Variants in TRPM6 observed in about 807,000 individuals in gnomAD.
The protein encoded by TRPM6 is transient receptor potential cation channel subfamily M member 6.
In TRPM6, 111 loss-of-function variants were observed where a neutral mutation model predicts 247.6. The observed-to-expected ratio is 0.45, with a 90% confidence interval of 0.38 to 0.52. TRPM6 has a LOEUF of 0.52. TRPM6 is among the 20% of genes least tolerant of loss of function. The probability of loss-of-function intolerance (pLI) is 0.00; values close to 1 mark genes in which losing one functional copy is unlikely to be tolerated. For synonymous variants in TRPM6, 892 were observed against 853.8 expected, an observed-to-expected ratio of 1.04 and a Z score of -0.78; for missense variants, 2,126 against 2,421.5, an observed-to-expected ratio of 0.88 and a Z score of 2.56.
At chr9:74,734,991 T>C (rs796796197) in intron 36 of TRPM6, among the ~76,000 whole-genome samples, 41 of 152,226 alleles carry the variant, frequency 2.7e-4, no homozygotes, top group African/African-American at 9.9e-4. Context: ...GGTAGGCGGA[T>C]CTCTTGAGCC....
Position 74,792,719 on chromosome 9 carries a change from G to T in TRPM6, c.2443C>A (p.His815Asn). The change falls in exon 19 of 39, where the codon CAT becomes AAT. Residue 815 changes from histidine (H) to asparagine (N), a missense_variant. His to Asn is a moderately conservative substitution (Grantham distance 68, BLOSUM62 1). Coordinates refer to ENST00000360774, the MANE Select transcript of TRPM6 (RefSeq NM_017662.5). Reference sequence around the variant, plus strand: ...TGGTGCCCACTTTCCAAACCAAAATGCTGATTTTCATCCAGTTTCTCATCA... The same window carrying T: ...TGGTGCCCACTTTCCAAACCAAAATTCTGATTTTCATCCAGTTTCTCATCA... ...GHDEKLDENQ[H>N]FGLESGHQHL... 6.2e-7 allele frequency: 1 copy of T among 1,613,626 alleles called. No homozygotes were observed. Among genetic ancestry groups the T allele is most frequent in the South Asian group, 1.1e-5 (1 of 91,074 alleles).
intron 3 of TRPM6, among the ~76,000 whole-genome samples, chr9:74,854,267 T>G (rs955069608): frequency 6.6e-6 from 1 of 152,220 alleles, no homozygotes; most frequent in African/African-American, 2.4e-5. Flanking sequence ...TCCAATATGT[T>G]CACGTTAGTT....
intron 2 of TRPM6, among the ~76,000 whole-genome samples, chr9:74,856,467 C>G (rs9650769): frequency 0.013 from 1,946 of 147,700 alleles, 24 homozygotes; most frequent in African/African-American, 0.031. Context: ...GTGTGTGTGT[C>G]TGTGTGTGTG....
chr9:74,852,557 T>C (rs762917485), intron 3 of TRPM6, among the ~76,000 whole-genome samples: 18 of 152,036 alleles, frequency 1.2e-4, no homozygotes, highest in Non-Finnish European at 2.1e-4. Context: ...AGGCGGACTG[T>C]GCCGCCACCA....
intron 1 of TRPM6, among the ~76,000 whole-genome samples, chr9:74,864,379 A>C (rs138236420): frequency 2.0e-5 from 3 of 152,298 alleles, no homozygotes; most frequent in Non-Finnish European, 2.9e-5. Context: ...ATCCACTTTC[A>C]AGTGTCAGCT....
rs1304692023 is a variant in TRPM6, at chr9:74,779,914, C to T, written c.3209+2448G>A. Among the ~76,000 whole-genome samples, 3 of 152,240 alleles carry T rather than the reference C, an allele frequency of 2.0e-5. No individual in the cohort carries two copies. The South Asian group carries it at 6.2e-4, about 31-fold the overall frequency. ...GACGGCTGGGCGCAGTGGCTCACAC[C>T]TGTAATCCCAGCACTTTGGGAGGCC... On this transcript the variant is annotated intron_variant, in intron 23 of 38. Coordinates refer to ENST00000360774, the MANE Select transcript of TRPM6 (RefSeq NM_017662.5).
chr9:74,872,360 C>T (rs1282518823), intron 1 of TRPM6, among the ~76,000 whole-genome samples: 1 of 152,144 alleles, frequency 6.6e-6, no homozygotes, highest in Non-Finnish European at 1.5e-5. Context: ...TGGTCTCAAA[C>T]CCCTGGCCTC....
intron 1 of TRPM6, among the ~76,000 whole-genome samples, chr9:74,872,585 C>T (rs1019512876): frequency 4.9e-5 from 7 of 142,632 alleles, no homozygotes; most frequent in Non-Finnish European, 9.1e-5. Context: ...TGCACACCAC[C>T]GCGCCCAGCA....
intron 1 of TRPM6, among the ~76,000 whole-genome samples, chr9:74,870,788 G>T (rs1200901042): frequency 6.6e-6 from 1 of 152,070 alleles, no homozygotes; most frequent in Non-Finnish European, 1.5e-5. Flanking sequence ...GCTGGGTGTG[G>T]TGGTGTGTGC....
In TRPM6 at chr9:74,788,680, C is replaced by T; in HGVS notation, c.2601G>A (p.Gln867=). 3 of 1,614,086 alleles carry T rather than the reference C, an allele frequency of 1.9e-6. No individual in the cohort carries two copies. The highest frequency in any genetic ancestry group is 2.5e-6 in the Non-Finnish European group (3 of 1,179,970). Residue 867 remains glutamine (Q), a synonymous_variant, in exon 20 of 39, where the codon CAG becomes CAA. Coordinates refer to ENST00000360774, the MANE Select transcript of TRPM6 (RefSeq NM_017662.5). ...TAACAAGCCACTCCTGCACGCTGGG[C>T]TGGGGCTGCATCTCCACCAACACGG... is the stretch of plus-strand genomic sequence containing the variant. ...TYTVLVEMQP[Q]PSVQEWLVSI...
At chr9:74,778,194 G>C (rs1587494943) in intron 23 of TRPM6, among the ~76,000 whole-genome samples, 1 of 152,122 alleles carries the variant, frequency 6.6e-6, no homozygotes, top group South Asian at 2.1e-4. Context: ...CCCCCACCAG[G>C]GGCTTTTCAG....
chr9:74,742,701 T>C, intron 32 of TRPM6, 75 bp from the exon 33 acceptor site: 3 of 1,204,444 alleles, frequency 2.5e-6, no homozygotes, highest in Non-Finnish European at 3.7e-6. Flanking sequence ...TCCACATCAA[T>C]ATATTCATAT....
intron 32 of TRPM6, among the ~76,000 whole-genome samples, chr9:74,742,948 C>T (rs191591201): frequency 5.3e-5 from 8 of 152,248 alleles, no homozygotes; most frequent in Admixed American, 3.3e-4. Flanking sequence ...CATTTTAATC[C>T]GTGGACTTTG....
At chr9:74,775,832 T>G in intron 24 of TRPM6, 51 bp downstream of exon 24, 15 of 1,595,214 alleles carry the variant, frequency 9.4e-6, no homozygotes, top group Non-Finnish European at 1.3e-5. Context: ...CATCTTTGCC[T>G]TGAATCCTAC....
At chr9:74,758,520 T>G (rs1275396200) in intron 27 of TRPM6, among the ~76,000 whole-genome samples, 1 of 151,802 alleles carries the variant, frequency 6.6e-6, no homozygotes, top group Non-Finnish European at 1.5e-5. Context: ...AATAACAAAA[T>G]CAAAAGGAGA....
Position 74,840,016 on chromosome 9 carries a change from A to G in TRPM6, c.544+8T>C. 3 of 1,607,050 alleles carry G rather than the reference A, an allele frequency of 1.9e-6. No individual in the cohort carries two copies. The highest frequency in any genetic ancestry group is 2.2e-5 in the East Asian group (1 of 44,820). On this transcript the variant is annotated splice_region_variant and intron_variant, in intron 5 of 38. Coordinates refer to ENST00000360774, the MANE Select transcript of TRPM6 (RefSeq NM_017662.5). The stretch of plus-strand genomic sequence containing the variant: ...GAGGGTGGGAGAAATGGAGGGAGGG[A>G]GCTTTACCTGTATTGATGCCTTCAG...
In TRPM6 at chr9:74,782,822, A is replaced by G; in HGVS notation, c.2951T>C (p.Met984Thr). ...TCCAAAGCTCAGCAGGACTATGGCCATGATGATCACAATATAGAACATGTT... is the reference window on the plus strand; with the variant it reads ...TCCAAAGCTCAGCAGGACTATGGCCGTGATGATCACAATATAGAACATGTT... ...TANMFYIVII[M>T]AIVLLSFGVA... The change falls in exon 22 of 39, where the codon ATG (methionine) becomes ACG (threonine). Residue 984 changes from methionine (M) to threonine (T), a missense_variant. Physicochemically the swap from Met to Thr is moderately conservative, Grantham distance 81. Around this residue, in one of 3 missense-constraint regions of TRPM6, gnomAD observed 1,082 missense variants for 1,307.9 expected, o/e 0.83. Coordinates refer to ENST00000360774, the MANE Select transcript of TRPM6 (RefSeq NM_017662.5). 1 of 1,614,228 alleles carries G rather than the reference A, an allele frequency of 6.2e-7. No individual in the cohort carries two copies. Among genetic ancestry groups the G allele is most frequent in the South Asian group, 1.1e-5 (1 of 91,086 alleles).
chr9:74,768,824 A>G (rs1446411674), intron 25 of TRPM6, among the ~76,000 whole-genome samples: 1 of 152,206 alleles, frequency 6.6e-6, no homozygotes, highest in Non-Finnish European at 1.5e-5. Context: ...AAATCTGTCC[A>G]TATCTTTGTC....
chr9:74,781,431 G>C (rs1427852286), intron 23 of TRPM6, among the ~76,000 whole-genome samples: 1 of 151,228 alleles, frequency 6.6e-6, no homozygotes, highest in Non-Finnish European at 1.5e-5. Context: ...ATCTACTTGG[G>C]AGGCTGAGGC....
Sources: allele counts gnomAD v4.1 joint callset (sites outside exome capture counted in the v4.1 genomes callset), GRCh38; gene constraint gnomAD v4.1.1; regional missense constraint gnomAD v4.1.1; transcripts MANE v1.5; gene names NCBI Gene and HGNC (gene_info 2026-07-23, HGNC 2026-07-21).